MARCHF1: variants seen among roughly 807,000 people sequenced by gnomAD.
MARCHF1 encodes membrane associated ring-CH-type finger 1.
A neutral mutation model predicts 54.2 loss-of-function variants in MARCHF1; 40 were observed. The observed-to-expected ratio is 0.74, with a 90% CI of 0.57 to 0.96. The LOEUF is 0.96. MARCHF1 is among the 40% of genes least tolerant of loss of function. The pLI, the probability that MARCHF1 is intolerant of heterozygous loss-of-function variation, is 0.00. For missense variants in MARCHF1, 586 were observed against 656.5 expected, an observed-to-expected ratio of 0.89 and a Z score of 1.17; for synonymous variants, 236 against 236.3, an observed-to-expected ratio of 1.00 and a Z score of 0.01.
intron 1 of MARCHF1, among the ~76,000 whole-genome samples, chr4:164,376,963 A>G (rs894766770): frequency 6.6e-6 from 1 of 152,136 alleles, no homozygotes; most frequent in Non-Finnish European, 1.5e-5. Context: ...AATGAGCCTC[A>G]ATGTCAGTAC....
chr4:163,953,250 C>T (rs140165018), intron 3 of MARCHF1, among the ~76,000 whole-genome samples: 2 of 152,178 alleles, frequency 1.3e-5, no homozygotes, highest in East Asian at 3.9e-4. Context: ...GGTGAGGCAT[C>T]GTGGCTACTG....
At chr4:163,907,511 C>G (rs2111325339) in intron 3 of MARCHF1, among the ~76,000 whole-genome samples, 1 of 152,200 alleles carries the variant, frequency 6.6e-6, no homozygotes, top group South Asian at 2.1e-4. Context: ...GTAGCCAAGT[C>G]ACGGCAGAAT....
At position 164,010,756 on chromosome 4, in the gene MARCHF1, G is replaced by GA. The variant is rs919610020; in HGVS notation, c.-247-22048dup. On this transcript the variant is annotated intron_variant, in intron 2 of 9. Transcript: ENST00000514618. ...ACCAATGTTATCATTCACAGAAATA[G>GA]AAAAAAAATCTTAAAATTTATATCA... Among the ~76,000 whole-genome samples the GA allele has an allele frequency of 4.0e-5, 6 of 151,776 alleles. 1 individual carries two copies. The highest frequency in any genetic ancestry group is 4.2e-4 in the South Asian group (2 of 4,794).
intron 1 of MARCHF1, among the ~76,000 whole-genome samples, chr4:164,174,525 C>T (rs141493108): frequency 0.012 from 1,886 of 152,130 alleles, 35 homozygotes; most frequent in African/African-American, 0.04. Context: ...AGGAGTGGTA[C>T]GAGATTAGGA....
chr4:164,381,828 A>G (rs1731380145), intron 1 of MARCHF1, among the ~76,000 whole-genome samples: 1 of 152,232 alleles, frequency 6.6e-6, no homozygotes, highest in Admixed American at 6.5e-5. Flanking sequence ...CCATTATCAT[A>G]AAAACATAGT....
intron 1 of MARCHF1, among the ~76,000 whole-genome samples, chr4:164,122,782 C>A (rs1200336986): frequency 1.3e-5 from 2 of 152,044 alleles, no homozygotes; most frequent in African/African-American, 2.4e-5. Flanking sequence ...AGGCCATATA[C>A]CCCAGACAAC....
intron 1 of MARCHF1, among the ~76,000 whole-genome samples, chr4:164,362,585 C>T (rs956284045): frequency 6.6e-6 from 1 of 152,106 alleles, no homozygotes; most frequent in Non-Finnish European, 1.5e-5. Flanking sequence ...CAGAAATTTT[C>T]TCGCATAAAC....
intron 1 of MARCHF1, among the ~76,000 whole-genome samples, chr4:164,229,329 T>C (rs1732347822): frequency 6.6e-6 from 1 of 152,186 alleles, no homozygotes; most frequent in Admixed American, 6.6e-5. Flanking sequence ...GCTCTCTCTT[T>C]GGATCACTCA....
chr4:163,595,978 T>C (rs184706352), intron 7 of MARCHF1, among the ~76,000 whole-genome samples: 37 of 151,816 alleles, frequency 2.4e-4, no homozygotes, highest in African/African-American at 8.9e-4. Context: ...ATTAGAAGGA[T>C]TAATTTGGCA....
Position 164,283,477 on chromosome 4 carries a change from A to G in MARCHF1, c.-323+100393T>C, listed in dbSNP as rs542648325. Among the ~76,000 whole-genome samples the G allele has an allele frequency of 2.3e-4, 34 of 151,028 alleles. 1 individual carries two copies. Among genetic ancestry groups the G allele is most frequent in the Non-Finnish European group, 4.7e-4 (32 of 67,990 alleles). ...GATGCCTGGAAAAACTGAAAAAAAGACAGTAATACTCACTAACAAATAGAA... is the reference window on the plus strand; with the variant it reads ...GATGCCTGGAAAAACTGAAAAAAAGGCAGTAATACTCACTAACAAATAGAA... On this transcript the variant is annotated intron_variant, in intron 1 of 9. Transcript: ENST00000514618.
intron 1 of MARCHF1, among the ~76,000 whole-genome samples, chr4:164,259,562 A>AG (rs1560977869): frequency 3.0e-4 from 22 of 74,574 alleles, no homozygotes; most frequent in Non-Finnish European, 6.7e-4. Context: ...AAAAAAAAAA[A>AG]AAAGAAAAAA....
chr4:163,555,513 T>C (rs1011187586), intron 8 of MARCHF1, among the ~76,000 whole-genome samples: 6 of 152,138 alleles, frequency 3.9e-5, no homozygotes, highest in Non-Finnish European at 8.8e-5. Context: ...ACAAAGTTCC[T>C]TTAAAAATAT....
chr4:163,654,030 C>T (rs1289445964), intron 5 of MARCHF1, among the ~76,000 whole-genome samples: 1 of 151,606 alleles, frequency 6.6e-6, no homozygotes, highest in Non-Finnish European at 1.5e-5. Context: ...CATTAAGAAC[C>T]ACCATGAATA....
At chr4:163,647,891 A>G (rs912325795) in intron 5 of MARCHF1, among the ~76,000 whole-genome samples, 2 of 151,730 alleles carry the variant, frequency 1.3e-5, no homozygotes, top group African/African-American at 4.8e-5. Context: ...GAAAGAAGGA[A>G]ATAATGAAGA....
chr4:163,997,925 T>TACACACACACAC lies in MARCHF1; in HGVS notation c.-247-9228_-247-9217dup, dbSNP rs5863648. ...TATAATTTAAAGTAATTGCCTTAAA[T>TACACACACACAC]ACACACACACACACACACACACACA... On this transcript the variant is annotated intron_variant, in intron 2 of 9. Transcript: ENST00000514618. 3.9e-3 allele frequency among the ~76,000 whole-genome samples: 581 copies of TACACACACACAC among 148,298 alleles called. 3 individuals are homozygous for TACACACACACAC. Among genetic ancestry groups the TACACACACACAC allele is most frequent in the African/African-American group, 0.014 (555 of 40,406 alleles).
chr4:163,764,854 G>A (rs947081852), intron 4 of MARCHF1, among the ~76,000 whole-genome samples: 2 of 152,068 alleles, frequency 1.3e-5, no homozygotes, highest in East Asian at 1.9e-4. Flanking sequence ...GTTCATGAGA[G>A]CCAATAGTTT....
At position 164,284,319 on chromosome 4, in the gene MARCHF1, T is replaced by TGAGA. The variant is rs1221486050; in HGVS notation, c.-323+99547_-323+99550dup. On this transcript the variant is annotated intron_variant, in intron 1 of 9. Coordinates refer to ENST00000514618, the MANE Select transcript of MARCHF1 (RefSeq NM_001394959.1). ...AATGCAGTCCTTAAGCTAAAGAAAG[T>TGAGA]GAGAGAGAGAGAGACAGAGAGAGAG... is the stretch of plus-strand genomic sequence containing the variant. Among the ~76,000 whole-genome samples, 70 of 126,152 alleles carry TGAGA rather than the reference T, an allele frequency of 5.5e-4. 1 individual carries two copies. Among genetic ancestry groups the TGAGA allele is most frequent in the African/African-American group, 2.2e-3 (65 of 29,152 alleles). 82.8% of individuals were successfully genotyped at this position (126,152 alleles called of 152,430 possible).
At chr4:164,159,353 T>C (rs1034726961) in intron 1 of MARCHF1, among the ~76,000 whole-genome samples, 3 of 152,130 alleles carry the variant, frequency 2.0e-5, no homozygotes. Flanking sequence ...ATTAATATCA[T>C]ATATAATTTT....
chr4:163,662,846 C>T (rs990504660), intron 5 of MARCHF1, among the ~76,000 whole-genome samples: 3 of 151,874 alleles, frequency 2.0e-5, no homozygotes, highest in African/African-American at 2.4e-5. Flanking sequence ...ACGCTAAGGC[C>T]GGCATTCCGA....
Sources: gnomAD v4.1 joint callset for allele counts (sites outside exome capture counted in the v4.1 genomes callset) on GRCh38, gnomAD v4.1.1 for gene constraint, MANE v1.5 for transcripts, NCBI Gene and HGNC (gene_info 2026-07-23, HGNC 2026-07-21) for gene names.